The following XYLT1 variants were observed in gnomAD, a reference collection of about 807,000 sequenced individuals.
The protein encoded by XYLT1 is xylosyltransferase 1.
XYLT1 carries 36 observed loss-of-function variants against 91.3 expected under a neutral mutation model. That is an observed-to-expected ratio of 0.39 (90% CI 0.30 to 0.52). The LOEUF (loss-of-function observed/expected upper bound fraction) is 0.52. Among genes scored for constraint, XYLT1 ranks in the 20% least tolerant of loss-of-function variants. The pLI, the probability that XYLT1 is intolerant of heterozygous loss-of-function variation, is 0.68. For missense variants in XYLT1, 1,242 were observed against 1,284.5 expected, an observed-to-expected ratio of 0.97 and a Z score of 0.51; for synonymous variants, 588 against 532.0, an observed-to-expected ratio of 1.11 and a Z score of -1.45.
At chr16:17,410,438 G>A (rs535544619) in intron 1 of XYLT1, among the ~76,000 whole-genome samples, 3 of 152,182 alleles carry the variant, frequency 2.0e-5, no homozygotes, top group Non-Finnish European at 4.4e-5. Flanking sequence ...CAAGGGAAGA[G>A]AGAGCTTGTG....
intron 3 of XYLT1, among the ~76,000 whole-genome samples, chr16:17,241,117 G>A (rs1400499406): frequency 1.3e-5 from 2 of 152,228 alleles, no homozygotes; most frequent in East Asian, 3.8e-4. Context: ...GAGCTCCGCT[G>A]ATCTGCTGCA....
intron 1 of XYLT1, among the ~76,000 whole-genome samples, chr16:17,427,006 G>A (rs2036326714): frequency 6.6e-6 from 1 of 152,186 alleles, no homozygotes. Flanking sequence ...GGAGAGTGTG[G>A]CTTGGGAGTA....
chr16:17,197,014 A>AATATGT (rs2032439427), intron 5 of XYLT1, among the ~76,000 whole-genome samples: 1 of 110,510 alleles, frequency 9.0e-6, no homozygotes, highest in African/African-American at 4.5e-5. Context: ...CTGTCTCCAA[A>AATATGT]ATATATATAT....
intron 3 of XYLT1, among the ~76,000 whole-genome samples, chr16:17,201,497 C>T (rs376106953): frequency 2.1e-5 from 3 of 142,706 alleles, no homozygotes; most frequent in South Asian, 4.4e-4. Flanking sequence ...TTTTTTGAGA[C>T]GGAGTCTTAC....
chr16:17,305,180 C>T (rs574613766), intron 2 of XYLT1, among the ~76,000 whole-genome samples: 5 of 152,202 alleles, frequency 3.3e-5, no homozygotes, highest in East Asian at 3.9e-4. Flanking sequence ...ATCAGGATGC[C>T]CCCTTGTCTT....
At position 17,306,143 on chromosome 16, in the gene XYLT1, G is replaced by A. The variant is rs1398419019; in HGVS notation, c.403-46645C>T. On this transcript the variant is annotated intron_variant, in intron 2 of 11. Transcript: ENST00000261381. ...TCCCTCTGTATGTGGAAATTTCAGGGTAACTTACCAAGTGCTTTCTTCTCT... is the reference window on the plus strand; with the variant it reads ...TCCCTCTGTATGTGGAAATTTCAGGATAACTTACCAAGTGCTTTCTTCTCT... 3.3e-5 allele frequency among the ~76,000 whole-genome samples: 5 copies of A among 152,280 alleles called. No homozygotes were observed. The East Asian group carries it at 9.6e-4, about 29-fold the overall frequency.
At chr16:17,399,987 C>G (rs2035943619) in intron 1 of XYLT1, among the ~76,000 whole-genome samples, 1 of 152,246 alleles carries the variant, frequency 6.6e-6, no homozygotes, top group Non-Finnish European at 1.5e-5. Flanking sequence ...AACACAATCG[C>G]TAAGGATCCA....
chr16:17,391,644 T>C (rs1596521099), intron 1 of XYLT1, among the ~76,000 whole-genome samples: 1 of 152,200 alleles, frequency 6.6e-6, no homozygotes, highest in East Asian at 1.9e-4. Flanking sequence ...AACATCCCTT[T>C]ACTCCCAGGG....
intron 11 of XYLT1, among the ~76,000 whole-genome samples, chr16:17,116,534 C>T (rs775943558): frequency 1.3e-5 from 2 of 152,198 alleles, no homozygotes; most frequent in Non-Finnish European, 2.9e-5. Context: ...CTGCATAGTA[C>T]TCCATTGTAT....
intron 1 of XYLT1, among the ~76,000 whole-genome samples, chr16:17,431,490 A>C (rs2036390626): frequency 6.6e-6 from 1 of 152,228 alleles, no homozygotes. Context: ...TTTAAGAAGC[A>C]CTTAGCAGAA....
chr16:17,335,860 A>G (rs776578826), intron 2 of XYLT1, among the ~76,000 whole-genome samples: 2 of 152,188 alleles, frequency 1.3e-5, no homozygotes, highest in Non-Finnish European at 2.9e-5. Context: ...AAATTAGTGG[A>G]AAAACTAGTA....
At chr16:17,214,917 G>A (rs909197525) in intron 3 of XYLT1, among the ~76,000 whole-genome samples, 1 of 152,134 alleles carries the variant, frequency 6.6e-6, no homozygotes, top group South Asian at 2.1e-4. Flanking sequence ...CTCTGCTTCT[G>A]TTTCTCGATG....
At chr16:17,277,234 T>C (rs946482379) in intron 2 of XYLT1, among the ~76,000 whole-genome samples, 2 of 152,204 alleles carry the variant, frequency 1.3e-5, no homozygotes, top group Non-Finnish European at 2.9e-5. Context: ...TTTTAGATTC[T>C]GGGGATCCCT....
At chr16:17,403,989 T>C (rs2035998331) in intron 1 of XYLT1, among the ~76,000 whole-genome samples, 1 of 152,206 alleles carries the variant, frequency 6.6e-6, no homozygotes, top group Admixed American at 6.5e-5. Context: ...ATTCTCTCTG[T>C]GCAGTTCAGA....
At chr16:17,464,307 G>A (rs1012442828) in intron 1 of XYLT1, among the ~76,000 whole-genome samples, 1 of 152,054 alleles carries the variant, frequency 6.6e-6, no homozygotes, top group Non-Finnish European at 1.5e-5. Flanking sequence ...TGGCCAACAC[G>A]GCAAAACCTC....
chr16:17,250,704 A>T (rs2033524922), intron 3 of XYLT1: 2 of 152,208 alleles, frequency 1.3e-5, no homozygotes. Flanking sequence ...TCCAACTCCA[A>T]TGAACTGTTA....
intron 3 of XYLT1, among the ~76,000 whole-genome samples, chr16:17,217,812 T>C (rs1286493001): frequency 4.6e-5 from 7 of 152,104 alleles, no homozygotes; most frequent in Non-Finnish European, 7.4e-5. Context: ...ACCAGGTCTA[T>C]AGACCTTTCC....
chr16:17,420,962 C>CACACTAA (rs1319223963), intron 1 of XYLT1, among the ~76,000 whole-genome samples: 5 of 152,160 alleles, frequency 3.3e-5, no homozygotes, highest in African/African-American at 2.4e-5. Context: ...TCTTTGGGCC[C>CACACTAA]ACACCAAACA....
At chr16:17,332,426 G>C (rs936475156) in intron 2 of XYLT1, among the ~76,000 whole-genome samples, 2 of 152,086 alleles carry the variant, frequency 1.3e-5, no homozygotes, top group Non-Finnish European at 2.9e-5. Context: ...GCCGGGCGTG[G>C]TGGTGTGCTC....
Sources: allele counts gnomAD v4.1 joint callset (sites outside exome capture counted in the v4.1 genomes callset), GRCh38; gene constraint gnomAD v4.1.1; transcripts MANE v1.5; gene names NCBI Gene and HGNC (gene_info 2026-07-23, HGNC 2026-07-21).